Variants in C2orf81 observed in about 807,000 individuals in gnomAD.
C2orf81 encodes the protein chromosome 2 open reading frame 81, also known as uncharacterized protein C2orf81.
In C2orf81, 5 loss-of-function variants were observed where a neutral mutation model predicts 7.9. The observed-to-expected ratio is 0.63, with a 90% CI of 0.33 to 1.33. The LOEUF is 1.33. Ranked by LOEUF, C2orf81 falls within the 40% of genes most tolerant of loss-of-function variation. The probability of loss-of-function intolerance (pLI) is 0.05; values close to 1 mark genes in which losing one functional copy is unlikely to be tolerated. For missense variants in C2orf81, 781 were observed against 830.4 expected (o/e 0.94, Z 0.73); for synonymous variants, 346 against 367.4 (o/e 0.94, Z 0.66).
At chr2:74,417,726 CT>C (rs1676506050) in intron 1 of C2orf81, 1 of 563,372 alleles carries the variant, frequency 1.8e-6, no homozygotes, top group Non-Finnish European at 2.9e-6. Context: ...TCCCAGGCCC[CT>C]CTATGGGAAG....
At chr2:74,418,555 G>T in intron 1 of C2orf81, 1 of 746,570 alleles carries the variant, frequency 1.3e-6, no homozygotes, top group Non-Finnish European at 2.3e-6. Flanking sequence ...GGGCGCTGAG[G>T]ACAGGCCAGT....
Position 74,415,599 on chromosome 2 carries a change from C to CAT in C2orf81, c.577_578insAT (p.Arg193HisfsTer5), listed in dbSNP as rs1676434057. 2 of 1,551,204 alleles carry CAT rather than the reference C, an allele frequency of 1.3e-6. No individual in the cohort carries two copies. Among genetic ancestry groups the CAT allele is most frequent in the Non-Finnish European group, 1.7e-6 (2 of 1,147,004 alleles). On this transcript the variant is annotated frameshift_variant, in exon 3 of 3. Coordinates refer to ENST00000684111, the MANE Select transcript of C2orf81 (RefSeq NM_001316764.3). LOFTEE classifies it low-confidence loss of function (END_TRUNC). This position sits in a 1 kb window ranked among gnomAD's most constrained non-coding sequence, Gnocchi z 5.5. ...CATCCACGACCTTCCTAAAGGGATCCGGTCCACGCCCCCAGGGTCCTGGGG... is the reference window on the plus strand; with the variant it reads ...CATCCACGACCTTCCTAAAGGGATCCATGGTCCACGCCCCCAGGGTCCTGGGG...
At chr2:74,416,496 G>A (rs1030282417) in intron 1 of C2orf81, 1 of 302,198 alleles carries the variant, frequency 3.3e-6, no homozygotes, top group Non-Finnish European at 6.3e-6. Flanking sequence ...GAACCCGGGA[G>A]ATGGAGGTTG....
chr2:74,415,042 C>T lies in C2orf81; in HGVS notation c.1135G>A (p.Ala379Thr). ...CGCACCCAGTGGCACGGGAGCCTCG[C>T]AGGGTCCAGGCGTTTCACGGCCGCC... Reference protein sequence around the residue: ...RKAAVKRLDPARLPCHWVRPL... With the variant: ...RKAAVKRLDPTRLPCHWVRPL... Residue 379 changes from alanine (A) to threonine (T), a missense_variant, in exon 3 of 3, where the codon GCG (alanine) becomes ACG (threonine). Physicochemically the swap from Ala to Thr is moderately conservative, Grantham distance 58. Coordinates refer to ENST00000684111, the MANE Select transcript of C2orf81 (RefSeq NM_001316764.3). This position sits in a 1 kb window ranked among gnomAD's most constrained non-coding sequence, Gnocchi z 5.5. 1 of 1,548,890 alleles carries T rather than the reference C, an allele frequency of 6.5e-7. No individual in the cohort carries two copies. Among genetic ancestry groups the T allele is most frequent in the Non-Finnish European group, 8.7e-7 (1 of 1,145,972 alleles).
chr2:74,415,045 G>A lies in C2orf81; in HGVS notation c.1132C>T (p.Pro378Ser), dbSNP rs895031804. ...ACCCAGTGGCACGGGAGCCTCGCAG[G>A]GTCCAGGCGTTTCACGGCCGCCTTG... The part of the protein sequence containing the change: ...RRKAAVKRLD[P>S]ARLPCHWVRP... Residue 378 changes from proline to serine, a missense_variant, in exon 3 of 3, where the codon CCT (proline) becomes TCT (serine). Pro to Ser is a moderately conservative substitution (Grantham distance 74). Coordinates refer to ENST00000684111, the MANE Select transcript of C2orf81 (RefSeq NM_001316764.3). The surrounding 1 kb of genome is among the most constrained non-coding windows in gnomAD (Gnocchi z 5.5). 1 of 1,548,108 alleles carries A rather than the reference G, an allele frequency of 6.5e-7. No individual in the cohort carries two copies. The highest frequency in any genetic ancestry group is 1.4e-5 in the African/African-American group (1 of 72,932).
chr2:74,414,864 C>T lies in C2orf81; in HGVS notation c.1313G>A (p.Arg438Gln). The change falls in exon 3 of 3, where the codon CGG becomes CAG. Residue 438 changes from arginine to glutamine, a missense_variant. Coordinates refer to ENST00000684111, the MANE Select transcript of C2orf81 (RefSeq NM_001316764.3). The surrounding 1 kb of genome is among the most constrained non-coding windows in gnomAD (Gnocchi z 5.3). ...RVSPAAFFPLRPGIPFRDLDS... is the reference protein window; with the variant it reads ...RVSPAAFFPLQPGIPFRDLDS... ...CAAGTCACGGAAAGGAATGCCTGGCCGGAGAGGGAAGAACGCTGCCGGGGA... is the reference window on the plus strand; with the variant it reads ...CAAGTCACGGAAAGGAATGCCTGGCTGGAGAGGGAAGAACGCTGCCGGGGA... The T allele has an allele frequency of 1.9e-6, 3 of 1,550,346 alleles. No homozygotes were observed. In the South Asian group the frequency reaches 3.6e-5, roughly 18 times the overall value.
chr2:74,419,026 CA>C (rs1676537556), intron 1 of C2orf81, among the ~76,000 whole-genome samples: 2 of 151,822 alleles, frequency 1.3e-5, no homozygotes, highest in South Asian at 4.2e-4. Flanking sequence ...ACTAATAATA[CA>C]AAAATTAGCC....
At position 74,414,869 on chromosome 2, in the gene C2orf81, A is replaced by T; in HGVS notation, c.1308T>A (p.Pro436=). ...GTRVSPAAFF[P]LRPGIPFRDL... ...CACGGAAAGGAATGCCTGGCCGGAG[A>T]GGGAAGAACGCTGCCGGGGAGACAC... The change falls in exon 3 of 3, where the codon CCT becomes CCA. Residue 436 remains proline (P), a synonymous_variant. Transcript: ENST00000684111. This position sits in a 1 kb window ranked among gnomAD's most constrained non-coding sequence, Gnocchi z 5.3. 1 of 1,549,938 alleles carries T rather than the reference A, an allele frequency of 6.5e-7. No homozygotes were observed. The highest frequency in any genetic ancestry group is 8.7e-7 in the Non-Finnish European group (1 of 1,145,854).
chr2:74,419,079 G>C (rs1224488276), intron 1 of C2orf81, among the ~76,000 whole-genome samples: 2 of 152,066 alleles, frequency 1.3e-5, no homozygotes, highest in Non-Finnish European at 2.9e-5. Context: ...TACTAGGGAG[G>C]CTGAGGCACG....
In C2orf81 at chr2:74,415,088, G is replaced by T. The variant is rs1000002846; in HGVS notation, c.1089C>A (p.His363Gln). Reference protein sequence around the residue: ...AGHSDVRLSAHHHRMRRKAAV... With the variant: ...AGHSDVRLSAQHHRMRRKAAV... ...CCGCCTTGCGGCGCATCCTGTGGTG[G>T]TGGGCGCTCAGCCGCACATCCGAGT... is the stretch of plus-strand genomic sequence containing the variant. The change falls in exon 3 of 3, where the codon CAC becomes CAA. Residue 363 changes from histidine (H) to glutamine (Q), a missense_variant. His to Gln is a conservative substitution (Grantham distance 24). Transcript: ENST00000684111. This position sits in a 1 kb window ranked among gnomAD's most constrained non-coding sequence, Gnocchi z 5.5. The T allele has an allele frequency of 1.5e-4, 231 of 1,547,848 alleles. No homozygotes were observed. Among genetic ancestry groups the T allele is most frequent in the Middle Eastern group, 3.3e-4 (2 of 6,000 alleles).
intron 1 of C2orf81, among the ~76,000 whole-genome samples, chr2:74,416,829 G>A (rs116564489): frequency 0.013 from 1,911 of 150,906 alleles, 24 homozygotes; most frequent in Non-Finnish European, 0.022. Context: ...TCCAGAAAAG[G>A]ATTTTTTTTT....
At position 74,416,218 on chromosome 2, in the gene C2orf81, G is replaced by C. The variant is rs529534956; in HGVS notation, c.42C>G (p.Asp14Glu). 1.4e-4 allele frequency: 199 copies of C among 1,398,636 alleles called. 2 individuals carry two copies. The African/African-American group carries it at 2.7e-3, about 19-fold the overall frequency. The allele number at this position is 1,398,636 out of a possible 1,614,324, so 86.6% of individuals were successfully genotyped here. A position where few individuals can be genotyped will look rare whatever the true frequency, so the allele number is the denominator to read the frequency against. ...EGSRQERQVR[D>E]RGVTRSKAEK... Reference sequence around the variant, plus strand: ...CCGCCTTGGACCGGGTCACCCCGCGGTCTCGGACCTGCCTCTCCTGCCTCT... The same window carrying C: ...CCGCCTTGGACCGGGTCACCCCGCGCTCTCGGACCTGCCTCTCCTGCCTCT... Residue 14 changes from aspartate to glutamate, a missense_variant, in exon 2 of 3, where the codon GAC becomes GAG. By Grantham distance (45) the Asp-to-Glu change is conservative. Coordinates refer to ENST00000684111, the MANE Select transcript of C2orf81 (RefSeq NM_001316764.3).
rs1573210173 is a variant in C2orf81, at chr2:74,415,138, A to C, written c.1039T>G (p.Ser347Ala). The C allele has an allele frequency of 1.3e-6, 2 of 1,535,790 alleles. No individual in the cohort carries two copies. Among genetic ancestry groups the C allele is most frequent in the Admixed American group, 2.1e-5 (1 of 47,576 alleles). Reference sequence around the variant, plus strand: ...TGCCCGGCCCGCTGCTGCTGGCAGGACGCGGAGGGGCGGGTGGCGCCGCCC... The same window carrying C: ...TGCCCGGCCCGCTGCTGCTGGCAGGCCGCGGAGGGGCGGGTGGCGCCGCCC... Reference protein sequence around the residue: ...SVGGATRPSASCQQQRAGHSD... With the variant: ...SVGGATRPSAACQQQRAGHSD... Residue 347 changes from serine to alanine, a missense_variant, in exon 3 of 3, where the codon TCC becomes GCC. By Grantham distance (99) the Ser-to-Ala change is moderately conservative. Coordinates refer to ENST00000684111, the MANE Select transcript of C2orf81 (RefSeq NM_001316764.3). The surrounding 1 kb of genome is among the most constrained non-coding windows in gnomAD (Gnocchi z 5.5).
Position 74,417,682 on chromosome 2 carries a change from G to A in C2orf81, c.19-1441C>T, listed in dbSNP as rs555464980. 9.5e-6 allele frequency: 6 copies of A among 632,144 alleles called. No homozygotes were observed. The East Asian group carries it at 2.6e-4, about 27-fold the overall frequency. 39.2% of individuals were successfully genotyped at this position (632,144 alleles called of 1,614,324 possible). A position where few individuals can be genotyped will look rare whatever the true frequency, so the allele number is the denominator to read the frequency against. ...CAGTGGAGTGGGGTGTGCCAGAATGGGGGCTTGGGCCCCTTTTAAGACCAG... is the reference window on the plus strand; with the variant it reads ...CAGTGGAGTGGGGTGTGCCAGAATGAGGGCTTGGGCCCCTTTTAAGACCAG... On this transcript the variant is annotated intron_variant, in intron 1 of 2. Coordinates refer to ENST00000684111, the MANE Select transcript of C2orf81 (RefSeq NM_001316764.3).
In C2orf81 at chr2:74,414,250, A is replaced by G. The variant is rs1573208496; in HGVS notation, c.*79T>C. ...GACCAGTTACTACTGCCAGAGGCTC[A>G]GGGATCAGAGGGAGGCAGCAGGCTT... On this transcript the variant is annotated 3_prime_UTR_variant, in exon 3 of 3. Coordinates refer to ENST00000684111, the MANE Select transcript of C2orf81 (RefSeq NM_001316764.3). The surrounding 1 kb of genome is among the most constrained non-coding windows in gnomAD (Gnocchi z 5.3). 3 of 1,341,616 alleles carry G rather than the reference A, an allele frequency of 2.2e-6. No homozygotes were observed. The Admixed American group carries it at 9.3e-5, about 42-fold the overall frequency. 83.1% of individuals were successfully genotyped at this position (1,341,616 alleles called of 1,614,324 possible).
At position 74,414,847 on chromosome 2, in the gene C2orf81, G is replaced by A. The variant is rs1034923143; in HGVS notation, c.1330C>T (p.Arg444Cys). Residue 444 changes from arginine to cysteine, a missense_variant, in exon 3 of 3, where the codon CGT becomes TGT. By Grantham distance (180) the Arg-to-Cys change is radical (BLOSUM62 -3). Transcript: ENST00000684111. This position sits in a 1 kb window ranked among gnomAD's most constrained non-coding sequence, Gnocchi z 5.3. ...AGTGCGGGGCCCGAGTCCAAGTCAC[G>A]GAAAGGAATGCCTGGCCGGAGAGGG... Reference protein sequence around the residue: ...FFPLRPGIPFRDLDSGPALLF... With the variant: ...FFPLRPGIPFCDLDSGPALLF... 6 of 1,551,108 alleles carry A rather than the reference G, an allele frequency of 3.9e-6. No homozygotes were observed. In the Admixed American group the frequency reaches 9.8e-5, roughly 25 times the overall value.
At chr2:74,418,094 A>T (rs1486996310) in intron 1 of C2orf81, 1 of 668,344 alleles carries the variant, frequency 1.5e-6, no homozygotes, top group East Asian at 3.0e-5. Flanking sequence ...TTGGGAGCAG[A>T]TCAAAGCTGT....
In C2orf81 at chr2:74,415,808, G is replaced by T; in HGVS notation, c.369C>A (p.Asp123Glu). ...CCGTCGTGCATGCCGAAGGCTCCTC[G>T]TCCTCACCCCATGTGGGGTCCTCAG... ...AVAEDPTWGEDEEPSACTTDS... is the reference protein window; with the variant it reads ...AVAEDPTWGEEEEPSACTTDS... The change falls in exon 3 of 3, where the codon GAC becomes GAA. Residue 123 changes from aspartate to glutamate, a missense_variant. Coordinates refer to ENST00000684111, the MANE Select transcript of C2orf81 (RefSeq NM_001316764.3). The surrounding 1 kb of genome is among the most constrained non-coding windows in gnomAD (Gnocchi z 5.5). 1 of 1,551,628 alleles carries T rather than the reference G, an allele frequency of 6.4e-7. No homozygotes were observed. The highest frequency in any genetic ancestry group is 1.2e-5 in the South Asian group (1 of 84,066).
intron 1 of C2orf81, among the ~76,000 whole-genome samples, chr2:74,419,167 C>T (rs963645510): frequency 6.7e-6 from 1 of 149,780 alleles, no homozygotes; most frequent in African/African-American, 2.5e-5. Flanking sequence ...GGTGACAGAG[C>T]GAGACTCTGT....
Sources: gnomAD v4.1 joint callset for allele counts (sites outside exome capture counted in the v4.1 genomes callset) on GRCh38, gnomAD v4.1.1 for gene constraint, Gnocchi (gnomAD v3.1) non-coding constraint, MANE v1.5 for transcripts, NCBI Gene and HGNC (gene_info 2026-07-23, HGNC 2026-07-21) for gene names.